Variants in CDK13 observed in about 807,000 individuals in gnomAD.
CDK13 encodes cyclin dependent kinase 13.
In CDK13, 40 loss-of-function variants were observed where a neutral mutation model predicts 137.6. That is an observed-to-expected ratio of 0.29 (90% CI 0.23 to 0.38). The LOEUF is 0.38. CDK13 is among the 10% of genes least tolerant of loss of function. The pLI, the probability that CDK13 is intolerant of heterozygous loss-of-function variation, is 1.00. For synonymous variants in CDK13, 869 were observed against 760.1 expected, an observed-to-expected ratio of 1.14 and a Z score of -2.36; for missense variants, 1,704 against 1,951.8, an observed-to-expected ratio of 0.87 and a Z score of 2.39.
At chr7:40,074,304 C>G (rs896555695) in intron 9 of CDK13, among the ~76,000 whole-genome samples, 3 of 152,150 alleles carry the variant, frequency 2.0e-5, no homozygotes, top group Non-Finnish European at 4.4e-5. Context: ...GGGCGGATCA[C>G]TAGGTCAGGA....
intron 2 of CDK13, among the ~76,000 whole-genome samples, chr7:39,996,572 C>T (rs1784564201): frequency 6.6e-6 from 1 of 152,090 alleles, no homozygotes; most frequent in Non-Finnish European, 1.5e-5. Flanking sequence ...AATTAATTAA[C>T]CCTGAAAAGG....
intron 1 of CDK13, among the ~76,000 whole-genome samples, chr7:39,953,299 A>C (rs757938542): frequency 6.6e-6 from 1 of 152,204 alleles, no homozygotes; most frequent in Admixed American, 6.5e-5. Context: ...TAGCCATTGT[A>C]TCTTGTAAGA....
At position 40,092,810 on chromosome 7, in the gene CDK13, A is replaced by T. The variant is rs2150547167; in HGVS notation, c.3261A>T (p.Leu1087Phe). Reference protein sequence around the residue: ...APVKTGPGQHLNHSELAILLN... With the variant: ...APVKTGPGQHFNHSELAILLN... Reference sequence around the variant, plus strand: ...TAAAAACAGGCCCTGGACAGCACTTAAACCACAGTGAATTGGCAATTCTAC... The same window carrying T: ...TAAAAACAGGCCCTGGACAGCACTTTAACCACAGTGAATTGGCAATTCTAC... Residue 1087 changes from leucine to phenylalanine, a missense_variant, in exon 13 of 14, where the codon TTA becomes TTT. Physicochemically the swap from Leu to Phe is conservative, Grantham distance 22. Transcript: ENST00000181839. 2 of 1,614,144 alleles carry T rather than the reference A, an allele frequency of 1.2e-6. No individual in the cohort carries two copies. Among genetic ancestry groups the T allele is most frequent in the Non-Finnish European group, 1.7e-6 (2 of 1,179,990 alleles).
chr7:40,039,473 C>T (rs187914096), intron 5 of CDK13, among the ~76,000 whole-genome samples: 1 of 121,700 alleles, frequency 8.2e-6, no homozygotes, highest in African/African-American at 3.7e-5. Context: ...AGAGTGTCGC[C>T]CAGGCGGGAA....
intron 2 of CDK13, among the ~76,000 whole-genome samples, chr7:39,997,256 T>C (rs904992226): frequency 1.5e-4 from 23 of 152,292 alleles, no homozygotes; most frequent in African/African-American, 4.8e-4. Context: ...TTAAAGTTCC[T>C]ACTTTATACA....
At chr7:39,967,683 AT>A (rs1285975022) in intron 1 of CDK13, among the ~76,000 whole-genome samples, 1 of 152,126 alleles carries the variant, frequency 6.6e-6, no homozygotes, top group Non-Finnish European at 1.5e-5. Flanking sequence ...CATGATGGCT[AT>A]AGTAATTTAC....
intron 5 of CDK13, among the ~76,000 whole-genome samples, chr7:40,021,998 A>T (rs1785136572): frequency 2.0e-5 from 3 of 152,096 alleles, no homozygotes. Flanking sequence ...CATTAAATGG[A>T]TTTTTACTCT....
chr7:39,975,612 A>G lies in CDK13; in HGVS notation c.1212-11987A>G, dbSNP rs563685746. Among the ~76,000 whole-genome samples, 18 of 152,320 alleles carry G rather than the reference A, an allele frequency of 1.2e-4. No individual in the cohort carries two copies. The East Asian group carries it at 2.1e-3, about 18-fold the overall frequency. Reference sequence around the variant, plus strand: ...TTTGAACAGTGTTTTATAATGAATAATGTATGCATTAATGTTGAAATGATG... The same window carrying G: ...TTTGAACAGTGTTTTATAATGAATAGTGTATGCATTAATGTTGAAATGATG... On this transcript the variant is annotated intron_variant, in intron 1 of 13. Coordinates refer to ENST00000181839, the MANE Select transcript of CDK13 (RefSeq NM_003718.5).
chr7:39,963,691 C>A (rs538219298), intron 1 of CDK13, among the ~76,000 whole-genome samples: 1 of 152,292 alleles, frequency 6.6e-6, no homozygotes, highest in East Asian at 1.9e-4. Flanking sequence ...GAGGGCATCC[C>A]TGTCTTGTGC....
intron 5 of CDK13, among the ~76,000 whole-genome samples, chr7:40,040,899 T>C (rs1785591540): frequency 6.6e-6 from 1 of 152,246 alleles, no homozygotes. Flanking sequence ...CATTTAAAGA[T>C]AGTTTTAGCT....
chr7:40,018,965 C>T (rs112666370), intron 5 of CDK13, among the ~76,000 whole-genome samples: 26 of 152,188 alleles, frequency 1.7e-4, no homozygotes, highest in Admixed American at 3.9e-4. Flanking sequence ...AATAACAAAA[C>T]GTTAGCATCA....
At position 39,951,561 on chromosome 7, in the gene CDK13, C is replaced by T. The variant is rs1383490453; in HGVS notation, c.920C>T (p.Pro307Leu). Residue 307 changes from proline to leucine, a missense_variant, in exon 1 of 14, where the codon CCT (proline) becomes CTT (leucine). Coordinates refer to ENST00000181839, the MANE Select transcript of CDK13 (RefSeq NM_003718.5). ...GCCTACCGGGAGGACAAGACCGAGC[C>T]TAAGGCCTACAGGCGGCGGCGGTCC... ...PKAYREDKTE[P>L]KAYRRRRSLS... The T allele has an allele frequency of 3.9e-6, 6 of 1,532,350 alleles. No homozygotes were observed. Among genetic ancestry groups the T allele is most frequent in the African/African-American group, 1.4e-5 (1 of 71,106 alleles). 94.9% of individuals were successfully genotyped at this position (1,532,350 alleles called of 1,614,324 possible).
chr7:39,992,585 G>A (rs1002416109), intron 2 of CDK13, among the ~76,000 whole-genome samples: 2 of 151,668 alleles, frequency 1.3e-5, no homozygotes, highest in African/African-American at 2.4e-5. Context: ...GTATCATTGT[G>A]ATAACAAGGA....
intron 1 of CDK13, among the ~76,000 whole-genome samples, chr7:39,960,727 A>G (rs570816048): frequency 1.3e-5 from 2 of 151,880 alleles, no homozygotes; most frequent in East Asian, 3.9e-4. Flanking sequence ...GGCGCCTGCC[A>G]CCATGCCTGG....
Position 39,951,813 on chromosome 7 carries a change from G to T in CDK13, c.1172G>T (p.Ser391Ile), listed in dbSNP as rs142221015. 1.1e-5 allele frequency: 16 copies of T among 1,453,312 alleles called. No homozygotes were observed. Among genetic ancestry groups the T allele is most frequent in the Non-Finnish European group, 1.2e-5 (13 of 1,112,210 alleles). The allele number at this position is 1,453,312 out of a possible 1,614,324, so 90.0% of individuals were successfully genotyped here. Residue 391 changes from serine to isoleucine, a missense_variant, in exon 1 of 14, where the codon AGC becomes ATC. Physicochemically the swap from Ser to Ile is moderately radical, Grantham distance 142. Around this residue, in one of 5 missense-constraint regions of CDK13, gnomAD observed 1,051 missense variants for 931.0 expected, o/e 1.13. Transcript: ENST00000181839. Reference sequence around the variant, plus strand: ...TCCCCTAGTCCCTACAGCAGCAGCAGCTGGCGCCGCTCTCGCAGTCCCTAC... The same window carrying T: ...TCCCCTAGTCCCTACAGCAGCAGCATCTGGCGCCGCTCTCGCAGTCCCTAC... Reference protein sequence around the residue: ...DVSPSPYSSSSWRRSRSPYSP... With the variant: ...DVSPSPYSSSIWRRSRSPYSP...
At chr7:40,013,064 T>G (rs56885787) in intron 5 of CDK13, among the ~76,000 whole-genome samples, 17,009 of 152,106 alleles carry the variant, frequency 0.11, 3,129 homozygotes, top group African/African-American at 0.38. Flanking sequence ...TACCTACAAT[T>G]AAGTACTGTT....
At chr7:39,967,045 G>C (rs539887239) in intron 1 of CDK13, among the ~76,000 whole-genome samples, 4 of 152,256 alleles carry the variant, frequency 2.6e-5, no homozygotes, top group African/African-American at 7.2e-5. Context: ...TCCCAGTTAG[G>C]CTACTCGGGG....
At chr7:39,956,106 A>C (rs1006716122) in intron 1 of CDK13, among the ~76,000 whole-genome samples, 1 of 152,210 alleles carries the variant, frequency 6.6e-6, no homozygotes, top group Non-Finnish European at 1.5e-5. Flanking sequence ...TGAAAAAAAA[A>C]CTCAAAAAAT....
intron 5 of CDK13, among the ~76,000 whole-genome samples, chr7:40,037,702 C>T (rs1410277569): frequency 6.6e-6 from 1 of 152,192 alleles, no homozygotes; most frequent in Non-Finnish European, 1.5e-5. Context: ...AGGATTTATA[C>T]ATCTTTGACC....
Sources: allele counts gnomAD v4.1 joint callset (sites outside exome capture counted in the v4.1 genomes callset), GRCh38; gene constraint gnomAD v4.1.1; regional missense constraint gnomAD v4.1.1; transcripts MANE v1.5; gene names NCBI Gene and HGNC (gene_info 2026-07-23, HGNC 2026-07-21).